Variants in ZNG1A observed in about 807,000 individuals in gnomAD.
ZNG1A encodes the protein zinc-regulated GTPase metalloprotein activator 1A.
the ZNG1A span, among the ~76,000 whole-genome samples, chr9:133,912 C>G: frequency 6.8e-6 from 1 of 147,428 alleles, no homozygotes; most frequent in African/African-American, 2.5e-5. Flanking sequence ...GAGGTTCATT[C>G]GAGGCTCTAT....
the ZNG1A span, among the ~76,000 whole-genome samples, chr9:165,357 T>C: frequency 6.7e-6 from 1 of 150,172 alleles, no homozygotes; most frequent in Admixed American, 6.6e-5. Context: ...TTACAAATCC[T>C]ACTGTTAATA....
the ZNG1A span, chr9:148,855 C>G: frequency 6.7e-6 from 1 of 148,504 alleles, no homozygotes; most frequent in South Asian, 2.2e-4. Flanking sequence ...GGAATTGCAG[C>G]TACTGCTTAG....
the ZNG1A span, among the ~76,000 whole-genome samples, chr9:174,545 T>C: frequency 2.0e-5 from 3 of 151,952 alleles, no homozygotes; most frequent in African/African-American, 4.8e-5. Flanking sequence ...ATGTAATCAG[T>C]GTGCAATAGG....
the ZNG1A span, chr9:146,092 C>T: frequency 1.1e-5 from 17 of 1,534,168 alleles, no homozygotes; most frequent in Middle Eastern, 2.4e-4. Context: ...CCAAATTATA[C>T]AAAACATACC....
the ZNG1A span, among the ~76,000 whole-genome samples, chr9:169,901 G>T: frequency 1.1e-5 from 1 of 93,874 alleles, no homozygotes; most frequent in African/African-American, 4.5e-5. Flanking sequence ...GTCTCATGCT[G>T]TCATCCAGGC....
At chr9:175,238 C>T in the ZNG1A span, among the ~76,000 whole-genome samples, 3 of 151,966 alleles carry the variant, frequency 2.0e-5, no homozygotes, top group African/African-American at 7.3e-5. Context: ...ATTATCTGGG[C>T]ATGGTGGCGC....
the ZNG1A span, among the ~76,000 whole-genome samples, chr9:168,197 T>A: frequency 0.02 from 2,561 of 126,074 alleles, 99 homozygotes; most frequent in African/African-American, 0.081. Context: ...ACCTAGAAGA[T>A]GTAGCTAACA....
At chr9:152,319 G>A in the ZNG1A span, among the ~76,000 whole-genome samples, 3 of 151,968 alleles carry the variant, frequency 2.0e-5, no homozygotes, top group Admixed American at 6.6e-5. Flanking sequence ...GCAAAAATTC[G>A]CACAACTGTC....
chr9:172,146 T>C, the ZNG1A span: 1 of 1,611,296 alleles, frequency 6.2e-7, no homozygotes. Flanking sequence ...TTGCATCAAA[T>C]TCTCAATAGC....
chr9:135,041 C>A, the ZNG1A span: 1 of 1,060,546 alleles, frequency 9.4e-7, no homozygotes, highest in Non-Finnish European at 1.4e-6. Context: ...CTAAAAACAA[C>A]TGATTAGAAA....
chr9:172,164 C>T, the ZNG1A span: 1 of 1,611,124 alleles, frequency 6.2e-7, no homozygotes, highest in South Asian at 1.1e-5. Flanking sequence ...AGCTCTAAGG[C>T]CACTGTCCCT....
chr9:167,652 G>C, the ZNG1A span: 2 of 150,110 alleles, frequency 1.3e-5, no homozygotes, highest in African/African-American at 5.0e-5. Context: ...AAAGAATTAT[G>C]ACAGAACCAT....
the ZNG1A span, chr9:147,023 C>A: frequency 6.6e-6 from 1 of 150,768 alleles, no homozygotes; most frequent in Non-Finnish European, 1.5e-5. Flanking sequence ...ACCAAAAATA[C>A]AAAAATTAGC....
the ZNG1A span, among the ~76,000 whole-genome samples, chr9:157,299 T>C: frequency 4.0e-4 from 60 of 148,994 alleles, no homozygotes; most frequent in Admixed American, 1.1e-3. Context: ...TTTTTTTTTT[T>C]CCCCCTCATA....
chr9:149,924 C>T, the ZNG1A span, among the ~76,000 whole-genome samples: 1 of 145,454 alleles, frequency 6.9e-6, no homozygotes, highest in Non-Finnish European at 1.5e-5. Context: ...TTAAGTCTTA[C>T]CACTAAGACG....
chr9:161,489 T>C, the ZNG1A span: 17 of 792,772 alleles, frequency 2.1e-5, no homozygotes, highest in African/African-American at 2.5e-4. Context: ...AAAAAAAAAT[T>C]AACACGTTCA....
the ZNG1A span, among the ~76,000 whole-genome samples, chr9:137,860 A>G: frequency 8.6e-6 from 1 of 116,570 alleles, no homozygotes; most frequent in Non-Finnish European, 1.8e-5. Context: ...AAAACATAGT[A>G]TAATTCTGAA....
chr9:154,667 A>G, the ZNG1A span: 1 of 1,428,240 alleles, frequency 7.0e-7, no homozygotes, highest in Non-Finnish European at 9.7e-7. Context: ...CTGTGTATAC[A>G]ACATGGATCT....
the ZNG1A span, among the ~76,000 whole-genome samples, chr9:165,115 G>A: frequency 6.6e-6 from 1 of 152,110 alleles, no homozygotes; most frequent in Non-Finnish European, 1.5e-5. Flanking sequence ...GAACTGGAGC[G>A]TGTCAGTCTC....
Sources: gnomAD v4.1 joint callset for allele counts (sites outside exome capture counted in the v4.1 genomes callset) on GRCh38, gnomAD v4.1.1 for gene constraint, MANE v1.5 for transcripts, NCBI Gene and HGNC (gene_info 2026-07-23, HGNC 2026-07-21) for gene names.